PCED1B: variants seen among roughly 807,000 people sequenced by gnomAD.
PCED1B encodes PC-esterase domain-containing protein 1B.
For missense variants in PCED1B, 573 were observed against 573.9 expected, an observed-to-expected ratio of 1.00 and a Z score of 0.02; for synonymous variants, 251 against 246.1, an observed-to-expected ratio of 1.02 and a Z score of -0.19.
chr12:47,233,981 T>A (rs1214680285), intron 3 of PCED1B, among the ~76,000 whole-genome samples: 3 of 152,078 alleles, frequency 2.0e-5, no homozygotes, highest in African/African-American at 7.2e-5. Flanking sequence ...TTTTTTTTGT[T>A]TTGTTTTTTG....
intron 2 of PCED1B, among the ~76,000 whole-genome samples, chr12:47,104,758 A>G (rs1488523535): frequency 2.6e-5 from 4 of 152,192 alleles, no homozygotes; most frequent in Non-Finnish European, 4.4e-5. Context: ...GAGAGCCACA[A>G]TAGTCGGGAC....
rs1264063059 is a variant in PCED1B, at chr12:47,135,499, TG to T, written c.-526+31306del. On this transcript the variant is annotated intron_variant, in intron 2 of 3. Transcript: ENST00000546455. Reference sequence around the variant, plus strand: ...CTGTCTCCTGTTCTATCGAGAGACTTGGAAGATCAGCACTGAGATGATGATG... The same window carrying T: ...CTGTCTCCTGTTCTATCGAGAGACTTGAAGATCAGCACTGAGATGATGATG... 12 of 469,460 alleles carry T rather than the reference TG, an allele frequency of 2.6e-5. No homozygotes were observed. In the East Asian group the frequency reaches 5.2e-4, roughly 20 times the overall value. The allele number at this position is 469,460 out of a possible 1,614,324, so 29.1% of individuals were successfully genotyped here.
intron 2 of PCED1B, among the ~76,000 whole-genome samples, chr12:47,145,614 C>T (rs1349629693): frequency 2.6e-5 from 4 of 152,154 alleles, no homozygotes; most frequent in Admixed American, 2.0e-4. Context: ...AATCCTAGGG[C>T]TCTTAGGAAT....
chr12:47,201,841 CTGCCCACCTCGGCCTCTCGA>C (rs1057402765), intron 2 of PCED1B, among the ~76,000 whole-genome samples: 2 of 152,136 alleles, frequency 1.3e-5, no homozygotes, highest in Admixed American at 1.3e-4. Context: ...CTCAAGTGTT[CTGCCCACCTCGGCCTCTCGA>C]AGTGCTGGAA....
At chr12:47,208,153 C>T (rs1332874146) in intron 2 of PCED1B, among the ~76,000 whole-genome samples, 1 of 152,142 alleles carries the variant, frequency 6.6e-6, no homozygotes, top group South Asian at 2.1e-4. Context: ...GTCTCTGAAC[C>T]GGCTGCCCTT....
chr12:47,094,894 CTCTT>C lies in PCED1B; in HGVS notation c.-608-9213_-608-9210del, dbSNP rs571063476. Reference sequence around the variant, plus strand: ...CTGGAATTCTCTTTTCTTTCTCTCTCTCTTTCTTTTTTTTTTTTTTCTTTTTTGA... The same window carrying C: ...CTGGAATTCTCTTTTCTTTCTCTCTCTCTTTTTTTTTTTTTTCTTTTTTGA... On this transcript the variant is annotated intron_variant, in intron 1 of 3. Coordinates refer to ENST00000546455, the MANE Select transcript of PCED1B (RefSeq NM_138371.3). Among the ~76,000 whole-genome samples the C allele has an allele frequency of 1.9e-3, 288 of 150,760 alleles. 1 individual carries two copies. The highest frequency in any genetic ancestry group is 6.6e-3 in the African/African-American group (270 of 41,038).
At chr12:47,119,945 G>T (rs1374097494) in intron 2 of PCED1B, among the ~76,000 whole-genome samples, 1 of 148,900 alleles carries the variant, frequency 6.7e-6, no homozygotes, top group Non-Finnish European at 1.5e-5. Context: ...CAGCCTGGGG[G>T]ACAGAGTGAG....
intron 2 of PCED1B, chr12:47,210,569 C>T (rs1943046089): frequency 1.3e-5 from 2 of 152,154 alleles, no homozygotes. Context: ...AGTTCAAGAC[C>T]AGCTTAGCCA....
chr12:47,213,898 G>T (rs1056629275), intron 2 of PCED1B, among the ~76,000 whole-genome samples: 1 of 152,162 alleles, frequency 6.6e-6, no homozygotes, highest in African/African-American at 2.4e-5. Context: ...GAGTATAAGT[G>T]TGATTATCAT....
At chr12:47,128,166 A>G (rs1939972638) in intron 2 of PCED1B, among the ~76,000 whole-genome samples, 2 of 152,246 alleles carry the variant, frequency 1.3e-5, no homozygotes, top group Non-Finnish European at 2.9e-5. Flanking sequence ...GGTCAAATTT[A>G]TGAAATAATA....
intron 2 of PCED1B, among the ~76,000 whole-genome samples, chr12:47,153,965 T>G (rs982213587): frequency 4.6e-5 from 7 of 152,338 alleles, no homozygotes; most frequent in African/African-American, 1.7e-4. Context: ...CTCTATGTGT[T>G]TCAATATGTA....
At chr12:47,202,845 G>C (rs1318524909) in intron 2 of PCED1B, among the ~76,000 whole-genome samples, 1 of 151,880 alleles carries the variant, frequency 6.6e-6, no homozygotes, top group Admixed American at 6.6e-5. Context: ...GACACATGTG[G>C]TCTCCAGTTT....
chr12:47,169,001 T>A (rs1402063484), intron 2 of PCED1B, among the ~76,000 whole-genome samples: 1 of 152,170 alleles, frequency 6.6e-6, no homozygotes, highest in Non-Finnish European at 1.5e-5. Flanking sequence ...GGATATATGG[T>A]TTAATATTGT....
At chr12:47,129,065 T>G (rs1355813829) in intron 2 of PCED1B, among the ~76,000 whole-genome samples, 1 of 152,218 alleles carries the variant, frequency 6.6e-6, no homozygotes, top group East Asian at 1.9e-4. Context: ...TTCCTTTCAT[T>G]GTTCCTGCCT....
chr12:47,214,075 A>G (rs1176084131), intron 2 of PCED1B, among the ~76,000 whole-genome samples: 2 of 152,206 alleles, frequency 1.3e-5, no homozygotes, highest in Non-Finnish European at 1.5e-5. Context: ...AAAGTTATGT[A>G]ATAGACTACT....
At chr12:47,233,414 A>C (rs1300265041) in intron 3 of PCED1B, among the ~76,000 whole-genome samples, 4 of 151,896 alleles carry the variant, frequency 2.6e-5, no homozygotes, top group African/African-American at 9.7e-5. Flanking sequence ...CTGGGATTAC[A>C]GGCGTGAGCC....
At chr12:47,146,998 C>CTTTTTT (rs59400736) in intron 2 of PCED1B, among the ~76,000 whole-genome samples, 1,819 of 98,922 alleles carry the variant, frequency 0.018, 29 homozygotes, top group East Asian at 0.029. Flanking sequence ...GTTCATTGCT[C>CTTTTTT]TTTTTTTTTT....
intron 2 of PCED1B, among the ~76,000 whole-genome samples, chr12:47,190,645 C>T (rs1432412755): frequency 6.6e-6 from 1 of 152,208 alleles, no homozygotes; most frequent in Non-Finnish European, 1.5e-5. Flanking sequence ...CTCATGCTTA[C>T]TGGTTTCTGC....
intron 1 of PCED1B, among the ~76,000 whole-genome samples, chr12:47,103,325 G>A (rs1938799558): frequency 6.6e-6 from 1 of 152,238 alleles, no homozygotes; most frequent in African/African-American, 2.4e-5. Context: ...GGGCAAGGAG[G>A]ATGCCATTTT....
Sources: allele counts gnomAD v4.1 joint callset (sites outside exome capture counted in the v4.1 genomes callset), GRCh38; gene constraint gnomAD v4.1.1; transcripts MANE v1.5; gene names NCBI Gene and HGNC (gene_info 2026-07-23, HGNC 2026-07-21).